SLC24A2: variants seen among roughly 807,000 people sequenced by gnomAD.
SLC24A2 encodes sodium/potassium/calcium exchanger 2.
SLC24A2 carries 36 observed loss-of-function variants against 62.0 expected under a neutral mutation model. That is an observed-to-expected ratio of 0.58 (90% confidence interval 0.44 to 0.77). SLC24A2 has a LOEUF of 0.77. Among genes scored for constraint, SLC24A2 ranks in the 30% least tolerant of loss-of-function variants. The pLI is 0.00. For synonymous variants in SLC24A2, 358 were observed against 294.0 expected (o/e 1.22, Z -2.23); for missense variants, 846 against 817.9 (o/e 1.03, Z -0.42).
In SLC24A2 at chr9:19,641,675, C is replaced by T. The variant is rs373795681; in HGVS notation, c.931-19376G>A. On this transcript the variant is annotated intron_variant, in intron 2 of 10. Transcript: ENST00000341998. The stretch of plus-strand genomic sequence containing the variant: ...GACCACAGGTGCGTGCCACCGTGCC[C>T]GGCTAATTTTTGTAGTTTTAGCAAA... Among the ~76,000 whole-genome samples, 22 of 152,094 alleles carry T rather than the reference C, an allele frequency of 1.4e-4. 1 individual carries two copies. Among genetic ancestry groups the T allele is most frequent in the East Asian group, 5.8e-4 (3 of 5,174 alleles).
the SLC24A2 span, among the ~76,000 whole-genome samples, chr9:20,019,024 C>T: frequency 4.4e-4 from 66 of 149,486 alleles, no homozygotes; most frequent in Non-Finnish European, 8.1e-4. Flanking sequence ...GATTATGCCA[C>T]AACACTCCTA....
intron 2 of SLC24A2, among the ~76,000 whole-genome samples, chr9:19,698,123 G>A (rs1301858400): frequency 6.6e-6 from 1 of 152,084 alleles, no homozygotes; most frequent in South Asian, 2.1e-4. Flanking sequence ...AATACAGGTT[G>A]AGCATCCCTA....
the SLC24A2 span, among the ~76,000 whole-genome samples, chr9:19,888,597 G>T: frequency 6.6e-6 from 1 of 152,062 alleles, no homozygotes; most frequent in Non-Finnish European, 1.5e-5. Context: ...GGCCTAAGAG[G>T]GATTCTGGAA....
chr9:19,786,735 C>A lies in SLC24A2; in HGVS notation c.132G>T (p.Met44Ile). The change falls in exon 2 of 11, where the codon ATG (methionine) becomes ATT (isoleucine). Residue 44 changes from methionine (M) to isoleucine (I), a missense_variant. By Grantham distance (10) the Met-to-Ile change is conservative (BLOSUM62 1). Coordinates refer to ENST00000341998, the MANE Select transcript of SLC24A2 (RefSeq NM_020344.4). The surrounding 1 kb of genome is among the most constrained non-coding windows in gnomAD (Gnocchi z 5.0). ...LKLIRVLGLF[M>I]GLVAISTVSF... is the part of the protein sequence containing the mutation. ...AGACAGTGCTAATGGCTACCAGACC[C>A]ATGAAAAGGCCTAAGACTCGAATTA... 1 of 1,604,914 alleles carries A rather than the reference C, an allele frequency of 6.2e-7. No individual in the cohort carries two copies. Among genetic ancestry groups the A allele is most frequent in the Middle Eastern group, 1.7e-4 (1 of 6,006 alleles).
At chr9:19,835,095 C>A in the SLC24A2 span, among the ~76,000 whole-genome samples, 2,188 of 152,234 alleles carry the variant, frequency 0.014, 26 homozygotes, top group Non-Finnish European at 0.024. Context: ...TGGAAAGGAA[C>A]AACCAGTACC....
At chr9:20,100,909 T>C in the SLC24A2 span, among the ~76,000 whole-genome samples, 14 of 152,204 alleles carry the variant, frequency 9.2e-5, no homozygotes, top group Non-Finnish European at 1.9e-4. Flanking sequence ...ATTTTCTTCC[T>C]ACAGGTATTG....
At chr9:19,778,928 T>A (rs1282912153) in intron 2 of SLC24A2, among the ~76,000 whole-genome samples, 1 of 152,056 alleles carries the variant, frequency 6.6e-6, no homozygotes, top group Admixed American at 6.6e-5. Context: ...AAAAGTATGA[T>A]GAAATTAGAA....
At chr9:19,655,992 C>T (rs190274457) in intron 2 of SLC24A2, among the ~76,000 whole-genome samples, 392 of 152,266 alleles carry the variant, frequency 2.6e-3, no homozygotes, top group Non-Finnish European at 4.3e-3. Context: ...GTTCTAACTG[C>T]CCCTGCAGAG....
At chr9:19,670,080 C>G (rs1819372333) in intron 2 of SLC24A2, among the ~76,000 whole-genome samples, 1 of 152,308 alleles carries the variant, frequency 6.6e-6, no homozygotes, top group East Asian at 1.9e-4. Flanking sequence ...CCTCAGCACT[C>G]TGTGAAATAT....
chr9:19,941,150 C>G, the SLC24A2 span, among the ~76,000 whole-genome samples: 2 of 152,176 alleles, frequency 1.3e-5, no homozygotes. Context: ...AACAGAGTAT[C>G]AGTCCCATAA....
the SLC24A2 span, among the ~76,000 whole-genome samples, chr9:20,105,960 T>C: frequency 2.6e-5 from 4 of 151,816 alleles, no homozygotes; most frequent in Admixed American, 2.6e-4. Context: ...GCAAGACTAA[T>C]AAAGAAGAAA....
chr9:20,011,360 G>C, the SLC24A2 span, among the ~76,000 whole-genome samples: 5 of 152,132 alleles, frequency 3.3e-5, no homozygotes, highest in Admixed American at 2.6e-4. Context: ...CTGATGGCCA[G>C]TGATGATGAG....
chr9:19,814,514 A>G, the SLC24A2 span, among the ~76,000 whole-genome samples: 4 of 152,292 alleles, frequency 2.6e-5, no homozygotes, highest in South Asian at 8.3e-4. Context: ...TGAGGTAGTA[A>G]TTGAGCTTTC....
At chr9:19,640,967 G>A (rs1043647798) in intron 2 of SLC24A2, among the ~76,000 whole-genome samples, 1 of 152,200 alleles carries the variant, frequency 6.6e-6, no homozygotes, top group Admixed American at 6.5e-5. Context: ...TAAAGCAAAT[G>A]ACTGATAGGA....
chr9:20,099,909 CT>C, the SLC24A2 span, among the ~76,000 whole-genome samples: 1 of 152,188 alleles, frequency 6.6e-6, no homozygotes, highest in East Asian at 1.9e-4. Context: ...CACAAGTCTC[CT>C]TTAATAACCA....
chr9:19,545,973 T>C (rs1834545523), intron 8 of SLC24A2, among the ~76,000 whole-genome samples: 1 of 152,242 alleles, frequency 6.6e-6, no homozygotes, highest in South Asian at 2.1e-4. Flanking sequence ...GCTGCAGGTC[T>C]GTTGGAGTTT....
the SLC24A2 span, among the ~76,000 whole-genome samples, chr9:20,087,669 T>G: frequency 6.6e-6 from 1 of 152,170 alleles, no homozygotes; most frequent in East Asian, 1.9e-4. Flanking sequence ...TTTAGCAAGA[T>G]CAAAACAGAT....
chr9:19,621,925 T>C (rs917723881), intron 3 of SLC24A2, among the ~76,000 whole-genome samples: 6 of 152,130 alleles, frequency 3.9e-5, no homozygotes, highest in African/African-American at 1.4e-4. Flanking sequence ...ATATTGAGCA[T>C]TAGATCCCAC....
intron 2 of SLC24A2, among the ~76,000 whole-genome samples, chr9:19,683,851 G>A (rs528859662): frequency 6.6e-6 from 1 of 152,138 alleles, no homozygotes; most frequent in African/African-American, 2.4e-5. Flanking sequence ...ATGGTTACCG[G>A]TCCTGGGCCC....
Sources: gnomAD v4.1 joint callset for allele counts (sites outside exome capture counted in the v4.1 genomes callset) on GRCh38, gnomAD v4.1.1 for gene constraint, Gnocchi (gnomAD v3.1) non-coding constraint, MANE v1.5 for transcripts, NCBI Gene and HGNC (gene_info 2026-07-23, HGNC 2026-07-21) for gene names.